Variants in GRM7 observed in about 807,000 individuals in gnomAD.
The protein encoded by GRM7 is glutamate metabotropic receptor 7.
Under a neutral mutation model 84.5 loss-of-function variants are expected in GRM7, and 35 were observed. The observed-to-expected ratio is 0.41, with a 90% CI of 0.32 to 0.55. The LOEUF is 0.55. Among genes scored for constraint, GRM7 ranks in the 20% least tolerant of loss-of-function variants. The pLI is 0.19. For missense variants in GRM7, 1,003 were observed against 1,194.6 expected (o/e 0.84, Z 2.36); for synonymous variants, 487 against 455.1 (o/e 1.07, Z -0.89).
At chr3:6,924,229 C>T (rs538372934) in intron 1 of GRM7, among the ~76,000 whole-genome samples, 2 of 152,036 alleles carry the variant, frequency 1.3e-5, no homozygotes, top group African/African-American at 4.8e-5. Flanking sequence ...TGCAATGGTC[C>T]GTTTGAAAAT....
chr3:7,052,010 G>C (rs1045035517), intron 1 of GRM7, among the ~76,000 whole-genome samples: 1 of 151,482 alleles, frequency 6.6e-6, no homozygotes, highest in Admixed American at 6.6e-5. Context: ...CACAGAATTG[G>C]GGAGTCATAA....
chr3:6,913,779 C>CTT (rs1696852503), intron 1 of GRM7, among the ~76,000 whole-genome samples: 2 of 152,098 alleles, frequency 1.3e-5, no homozygotes, highest in South Asian at 4.1e-4. Flanking sequence ...TCCACCTAAC[C>CTT]CTACTTCTGA....
intron 1 of GRM7, among the ~76,000 whole-genome samples, chr3:6,996,731 T>C (rs1009739816): frequency 6.6e-6 from 1 of 152,182 alleles, no homozygotes; most frequent in Non-Finnish European, 1.5e-5. Flanking sequence ...TCTTTATTTC[T>C]TATCTCCCTT....
rs902458607 is a variant in GRM7 at position 7,120,925 on chromosome 3, A to G, written c.520-25527A>G. 1.3e-4 allele frequency among the ~76,000 whole-genome samples: 20 copies of G among 152,250 alleles called. 4 individuals carry two copies. Among genetic ancestry groups the G allele is most frequent in the Admixed American group, 4.6e-4 (7 of 15,282 alleles). On this transcript the variant is annotated intron_variant, in intron 1 of 9. Transcript: ENST00000357716. ...CACCAAGCTCTGTCACAGCTTACAC[A>G]TGTCCCCACTAGCATCCTACACTTA...
chr3:7,578,760 G>A lies in GRM7; in HGVS notation c.1854G>A (p.Thr618=), dbSNP rs146236743. ...VMATFIRYND[T]PIVRASGREL... ...CCACTTTCATCCGCTACAATGACAC[G>A]CCCATTGTCCGGGCATCTGGGCGGG... Residue 618 remains threonine (T), a synonymous_variant, in exon 8 of 10, where the codon ACG becomes ACA. Coordinates refer to ENST00000357716, the MANE Select transcript of GRM7 (RefSeq NM_000844.4). 277 of 1,613,464 alleles carry A rather than the reference G, an allele frequency of 1.7e-4. No individual in the cohort carries two copies. The African/African-American group carries it at 2.3e-3, about 14-fold the overall frequency.
chr3:7,345,003 A>G (rs577940748), intron 4 of GRM7, among the ~76,000 whole-genome samples: 200 of 152,294 alleles, frequency 1.3e-3, no homozygotes, highest in African/African-American at 4.5e-3. Context: ...CACATTATAC[A>G]CATGTATTAA....
At chr3:7,305,685 G>C (rs898976133) in intron 3 of GRM7, among the ~76,000 whole-genome samples, 3 of 151,336 alleles carry the variant, frequency 2.0e-5, no homozygotes, top group Non-Finnish European at 3.0e-5. Flanking sequence ...AAAAAAAGTA[G>C]AACTGGCCTT....
chr3:7,706,635 G>T (rs780876040), intron 9 of GRM7, among the ~76,000 whole-genome samples: 3 of 152,218 alleles, frequency 2.0e-5, no homozygotes, highest in Non-Finnish European at 4.4e-5. Flanking sequence ...TCCACATGCA[G>T]TCATAGACAT....
chr3:6,995,085 T>C (rs916845821), intron 1 of GRM7, among the ~76,000 whole-genome samples: 1 of 152,228 alleles, frequency 6.6e-6, no homozygotes, highest in Non-Finnish European at 1.5e-5. Context: ...TAAATGCTTG[T>C]TGGCATCATA....
intron 1 of GRM7, among the ~76,000 whole-genome samples, chr3:6,948,898 C>T (rs1241644642): frequency 1.3e-5 from 2 of 152,020 alleles, no homozygotes; most frequent in African/African-American, 2.4e-5. Flanking sequence ...TTGTGTTTTC[C>T]ATTTGCTTGG....
intron 4 of GRM7, among the ~76,000 whole-genome samples, chr3:7,328,123 G>A (rs551913006): frequency 2.0e-5 from 3 of 152,092 alleles, no homozygotes; most frequent in South Asian, 2.1e-4. Context: ...CAGTGACTGC[G>A]GCTTATTTCA....
At chr3:7,409,700 A>C (rs1271483988) in intron 4 of GRM7, among the ~76,000 whole-genome samples, 1 of 152,120 alleles carries the variant, frequency 6.6e-6, no homozygotes, top group Non-Finnish European at 1.5e-5. Context: ...TCCTGGGTTC[A>C]AGCAGTTCTC....
At chr3:7,157,982 GCA>G (rs1476638117) in intron 2 of GRM7, among the ~76,000 whole-genome samples, 2 of 152,120 alleles carry the variant, frequency 1.3e-5, no homozygotes, top group Non-Finnish European at 2.9e-5. Flanking sequence ...TGCTTGCCAT[GCA>G]GTCTAATAAA....
At position 7,015,448 on chromosome 3, in the gene GRM7, C is replaced by G. The variant is rs190483281; in HGVS notation, c.520-131004C>G. ...CATGCTATGACAGATGCTGTGCTTT[C>G]AATCTTTTGGAGTACACAGATAAGT... is the stretch of plus-strand genomic sequence containing the variant. On this transcript the variant is annotated intron_variant, in intron 1 of 9. Coordinates refer to ENST00000357716, the MANE Select transcript of GRM7 (RefSeq NM_000844.4). Among the ~76,000 whole-genome samples the G allele has an allele frequency of 7.9e-4, 121 of 152,310 alleles. 1 individual carries two copies. Among genetic ancestry groups the G allele is most frequent in the Non-Finnish European group, 1.6e-3 (106 of 68,022 alleles).
At chr3:6,992,022 G>GT (rs1381095748) in intron 1 of GRM7, among the ~76,000 whole-genome samples, 2 of 151,754 alleles carry the variant, frequency 1.3e-5, no homozygotes, top group Non-Finnish European at 2.9e-5. Context: ...GAGAAGTCAC[G>GT]TAAGGACAGA....
intron 2 of GRM7, among the ~76,000 whole-genome samples, chr3:7,207,612 T>C (rs948743786): frequency 4.6e-5 from 7 of 152,164 alleles, no homozygotes; most frequent in Admixed American, 2.0e-4. Flanking sequence ...AGCAAAGGGC[T>C]AGAAGCAAAT....
intron 7 of GRM7, among the ~76,000 whole-genome samples, chr3:7,525,610 T>C (rs1248231175): frequency 1.3e-5 from 2 of 152,098 alleles, no homozygotes; most frequent in Non-Finnish European, 2.9e-5. Flanking sequence ...TGCAAGGGTA[T>C]ACTGAATGAT....
At chr3:7,342,606 T>C (rs73113729) in intron 4 of GRM7, among the ~76,000 whole-genome samples, 6,339 of 152,264 alleles carry the variant, frequency 0.042, 295 homozygotes, top group African/African-American at 0.12. Context: ...TAGCCTACTT[T>C]AAAATTACCT....
At chr3:7,615,886 A>G (rs1169332715) in intron 8 of GRM7, among the ~76,000 whole-genome samples, 1 of 151,996 alleles carries the variant, frequency 6.6e-6, no homozygotes, top group African/African-American at 2.4e-5. Context: ...ATATGTATAT[A>G]TAGTATATAT....
Sources: allele counts gnomAD v4.1 joint callset (sites outside exome capture counted in the v4.1 genomes callset), GRCh38; gene constraint gnomAD v4.1.1; transcripts MANE v1.5; gene names NCBI Gene and HGNC (gene_info 2026-07-23, HGNC 2026-07-21).